NTSR2: variants seen among roughly 807,000 people sequenced by gnomAD.
NTSR2 encodes the protein neurotensin receptor 2, also known as neurotensin receptor type 2.
Under a neutral mutation model 24.1 loss-of-function variants are expected in NTSR2, and 22 were observed. The observed-to-expected ratio is 0.91, with a 90% CI of 0.65 to 1.30. NTSR2 has a LOEUF of 1.30. Ranked by LOEUF, NTSR2 falls within the 50% of genes most tolerant of loss-of-function variation. NTSR2 has a pLI of 0.00. For synonymous variants in NTSR2, 291 were observed against 267.0 expected (o/e 1.09, Z -0.88); for missense variants, 570 against 570.4 (o/e 1.00, Z 0.01).
At chr2:11,659,990 C>T in intron 3 of NTSR2, 53 bp downstream of exon 3, 2 of 1,501,954 alleles carry the variant, frequency 1.3e-6, no homozygotes, top group South Asian at 1.1e-5. Context: ...GACCCCAGGC[C>T]TAGCCCAGTT....
At chr2:11,669,460 G>GGGGGGGGGGGGGGGGGC in intron 1 of NTSR2, 46 bp downstream of exon 1, 12 of 254,716 alleles carry the variant, frequency 4.7e-5, no homozygotes, top group Non-Finnish European at 6.2e-5. Context: ...TCCCAGCACC[G>GGGGGGGGGGGGGGGGGC]CCCCCCCACC....
chr2:11,667,063 G>A (rs1024086071), intron 1 of NTSR2, among the ~76,000 whole-genome samples: 1 of 152,332 alleles, frequency 6.6e-6, no homozygotes, highest in South Asian at 2.1e-4. Context: ...TTGTCCTGTG[G>A]ACAGACCTGG....
chr2:11,670,064 C>T lies in NTSR2; in HGVS notation c.66G>A (p.Arg22=), dbSNP rs561261126. Reference sequence around the variant, plus strand: ...CCCAGAGGCGAGTGTCCACGCCCAGCCGGGCGTCCAGGCTCAGCCCCGGGT... The same window carrying T: ...CCCAGAGGCGAGTGTCCACGCCCAGTCGGGCGTCCAGGCTCAGCCCCGGGT... ...SSNPGLSLDA[R]LGVDTRLWAK... is the part of the protein sequence containing the mutation. Residue 22 remains arginine (R), a synonymous_variant, in exon 1 of 4, where the codon CGG becomes CGA. Transcript: ENST00000306928. 6.1e-6 allele frequency: 9 copies of T among 1,469,758 alleles called. No homozygotes were observed. The African/African-American group carries it at 1.0e-4, about 17-fold the overall frequency. 91.0% of individuals were successfully genotyped at this position (1,469,758 alleles called of 1,614,324 possible). A position where few individuals can be genotyped will look rare whatever the true frequency, so the allele number is the denominator to read the frequency against.
rs570362931 is a variant in NTSR2 at position 11,668,166 on chromosome 2, C to T, written c.624+1340G>A. ...CGGCTCCACTGAACACCCACGAAAT[C>T]TTAAGACGTTGCCTGCTTCATGGAT... On this transcript the variant is annotated intron_variant, in intron 1 of 3. Coordinates refer to ENST00000306928, the MANE Select transcript of NTSR2 (RefSeq NM_012344.4). Among the ~76,000 whole-genome samples, 4 of 152,324 alleles carry T rather than the reference C, an allele frequency of 2.6e-5. No homozygotes were observed. In the East Asian group the frequency reaches 7.7e-4, roughly 29 times the overall value.
At chr2:11,665,905 G>A (rs72773911) in intron 1 of NTSR2, 4,198 of 155,148 alleles carry the variant, frequency 0.027, 81 homozygotes, top group South Asian at 0.041. Flanking sequence ...GCAGTCCTCA[G>A]ATTCAAACAG....
At chr2:11,664,831 A>G (rs1661159093) in intron 1 of NTSR2, among the ~76,000 whole-genome samples, 1 of 152,228 alleles carries the variant, frequency 6.6e-6, no homozygotes, top group South Asian at 2.1e-4. Context: ...CACTGATAAA[A>G]TATTAGAATC....
chr2:11,660,923 C>T (rs1340279371), intron 2 of NTSR2, among the ~76,000 whole-genome samples: 1 of 152,146 alleles, frequency 6.6e-6, no homozygotes, highest in African/African-American at 2.4e-5. Context: ...CTTAGCATCT[C>T]TCCTCTGTGC....
chr2:11,658,320 G>A lies in NTSR2; in HGVS notation c.*159C>T, dbSNP rs113853897. 6 of 949,912 alleles carry A rather than the reference G, an allele frequency of 6.3e-6. No individual in the cohort carries two copies. Among genetic ancestry groups the A allele is most frequent in the South Asian group, 3.6e-5 (2 of 56,100 alleles). 58.8% of individuals were successfully genotyped at this position (949,912 alleles called of 1,614,324 possible). Reference sequence around the variant, plus strand: ...GGAGCCTGAGGCTAGGAGGGGTCACGTGGCTTCCCTGCGCTTGATGGTTCT... The same window carrying A: ...GGAGCCTGAGGCTAGGAGGGGTCACATGGCTTCCCTGCGCTTGATGGTTCT... On this transcript the variant is annotated 3_prime_UTR_variant, in exon 4 of 4. Transcript: ENST00000306928.
chr2:11,661,984 C>A lies in NTSR2; in HGVS notation c.881G>T (p.Arg294Leu). 1 of 1,603,970 alleles carries A rather than the reference C, an allele frequency of 6.2e-7. No homozygotes were observed. The highest frequency in any genetic ancestry group is 8.5e-7 in the Non-Finnish European group (1 of 1,175,050). The change falls in exon 2 of 4, where the codon CGC (arginine) becomes CTC (leucine). Residue 294 changes from arginine to leucine, a missense_variant. Arg to Leu is a moderately radical substitution (Grantham distance 102). Transcript: ENST00000306928. ...KDVRRIRSLQ[R>L]SVQVLRAIVV... The stretch of plus-strand genomic sequence containing the variant: ...GACTTAACTGAGAACCTGGACGCTG[C>A]GCTGGAGGCTGCGGATCCGGCGCAC...
Position 11,669,714 on chromosome 2 carries a change from T to G in NTSR2, c.416A>C (p.Gln139Pro). The change falls in exon 1 of 4, where the codon CAG becomes CCG. Residue 139 changes from glutamine to proline, a missense_variant. Physicochemically the swap from Gln to Pro is moderately conservative, Grantham distance 76. Coordinates refer to ENST00000306928, the MANE Select transcript of NTSR2 (RefSeq NM_012344.4). Reference sequence around the variant, plus strand: ...CAGCAGGCTGCGGGCACGCAGGGGCTGGCACACGGCTAGGCAGCGCTCGGC... The same window carrying G: ...CAGCAGGCTGCGGGCACGCAGGGGCGGGCACACGGCTAGGCAGCGCTCGGC... ...LSAERCLAVC[Q>P]PLRARSLLTP... The G allele has an allele frequency of 6.5e-7, 1 of 1,530,474 alleles. No homozygotes were observed. The highest frequency in any genetic ancestry group is 1.2e-5 in the South Asian group (1 of 83,598). The allele number at this position is 1,530,474 out of a possible 1,614,324, so 94.8% of individuals were successfully genotyped here.
rs562463472 is a variant in NTSR2, at chr2:11,662,115, G to T, written c.750C>A (p.Thr250=). The change falls in exon 2 of 4, where the codon ACC becomes ACA. Residue 250 remains threonine, a synonymous_variant. Transcript: ENST00000306928. The part of the protein sequence containing the change: ...VPSTSTPGSS[T]PSRLELLSEE... ...CACTCAGCAGCTCCAGGCGGCTGGG[G>T]GTGGAGCTGCCCGGGGTAGAAGTGG... 659 of 1,612,942 alleles carry T rather than the reference G, an allele frequency of 4.1e-4. 11 individuals are homozygous for T. In the South Asian group the frequency reaches 6.9e-3, roughly 17 times the overall value.
chr2:11,664,998 C>G (rs1387907155), intron 1 of NTSR2, among the ~76,000 whole-genome samples: 1 of 150,694 alleles, frequency 6.6e-6, no homozygotes, highest in East Asian at 1.9e-4. Flanking sequence ...TGAACCATGT[C>G]AAGGAAACTG....
intron 1 of NTSR2, among the ~76,000 whole-genome samples, chr2:11,667,113 C>G (rs570660349): frequency 1.3e-5 from 2 of 152,226 alleles, no homozygotes; most frequent in Admixed American, 1.3e-4. Context: ...AGGCCTCTTT[C>G]TGAGTCTGGG....
intron 1 of NTSR2, among the ~76,000 whole-genome samples, chr2:11,668,635 G>GCTTTCT (rs1410781599): frequency 1.3e-5 from 2 of 152,206 alleles, no homozygotes; most frequent in Non-Finnish European, 1.5e-5. Flanking sequence ...AGGGGCCTGT[G>GCTTTCT]CTTTCTCAGC....
intron 1 of NTSR2, among the ~76,000 whole-genome samples, chr2:11,667,074 G>A (rs1661217418): frequency 6.6e-6 from 1 of 152,206 alleles, no homozygotes; most frequent in South Asian, 2.1e-4. Flanking sequence ...ACAGACCTGG[G>A]CATGTGAACG....
chr2:11,669,737 G>C lies in NTSR2; in HGVS notation c.393C>G (p.Ala131=). Residue 131 remains alanine, a synonymous_variant, in exon 1 of 4, where the codon GCC becomes GCG. Coordinates refer to ENST00000306928, the MANE Select transcript of NTSR2 (RefSeq NM_012344.4). ...GCTGGCACACGGCTAGGCAGCGCTC[G>C]GCGCTCAGGCCTGCCACGCTCAGCA... ...ATVLSVAGLS[A]ERCLAVCQPL... is the part of the protein sequence containing the mutation. The C allele has an allele frequency of 6.5e-7, 1 of 1,532,246 alleles. No individual in the cohort carries two copies. The allele number at this position is 1,532,246 out of a possible 1,614,324, so 94.9% of individuals were successfully genotyped here. A position where few individuals can be genotyped will look rare whatever the true frequency, so the allele number is the denominator to read the frequency against.
At chr2:11,667,253 G>T (rs902993633) in intron 1 of NTSR2, among the ~76,000 whole-genome samples, 5 of 151,998 alleles carry the variant, frequency 3.3e-5, no homozygotes, top group Non-Finnish European at 7.4e-5. Context: ...TCCATCATTT[G>T]CAACATAGAG....
intron 1 of NTSR2, among the ~76,000 whole-genome samples, chr2:11,666,192 G>C (rs867882776): frequency 9.2e-5 from 14 of 152,192 alleles, no homozygotes; most frequent in African/African-American, 3.4e-4. Context: ...AGAGAGATGA[G>C]GTTGCGGGTC....
intron 1 of NTSR2, among the ~76,000 whole-genome samples, chr2:11,667,868 C>T (rs962824352): frequency 4.6e-5 from 7 of 152,166 alleles, no homozygotes; most frequent in African/African-American, 1.7e-4. Context: ...ATGGCAGATT[C>T]CATGTGATGA....
Sources: gnomAD v4.1 joint callset for allele counts (sites outside exome capture counted in the v4.1 genomes callset) on GRCh38, gnomAD v4.1.1 for gene constraint, MANE v1.5 for transcripts, NCBI Gene and HGNC (gene_info 2026-07-23, HGNC 2026-07-21) for gene names.